Variants in RORA observed in about 807,000 individuals in gnomAD.
The protein encoded by RORA is nuclear receptor ROR-alpha.
In RORA, 7 loss-of-function variants were observed where a neutral mutation model predicts 69.5. The observed-to-expected ratio is 0.10, with a 90% confidence interval of 0.06 to 0.19. RORA has a LOEUF of 0.19. Ranked by LOEUF, RORA falls within the 10% of genes least tolerant of loss-of-function variation. The pLI, the probability that RORA is intolerant of heterozygous loss-of-function variation, is 1.00. For missense variants in RORA, 457 were observed against 663.0 expected (o/e 0.69, Z 3.41); for synonymous variants, 261 against 240.8 (o/e 1.08, Z -0.78).
rs1359619276 is a variant in RORA, at chr15:60,494,721, C to T, written c.*2734G>A. 3 of 152,188 alleles carry T rather than the reference C, an allele frequency of 2.0e-5. No homozygotes were observed. The highest frequency in any genetic ancestry group is 2.9e-5 in the Non-Finnish European group (2 of 68,028). 9.4% of individuals were successfully genotyped at this position (152,188 alleles called of 1,614,324 possible). On this transcript the variant is annotated 3_prime_UTR_variant, in exon 11 of 11. Coordinates refer to ENST00000335670, the MANE Select transcript of RORA (RefSeq NM_134261.3). ...AATCAGTGGACTTGGCTCTTAAGCT[C>T]CACCGCTGCTTTTCTTTCAGAAACA...
At chr15:60,882,349 T>A (rs2073690466) in intron 1 of RORA, among the ~76,000 whole-genome samples, 1 of 152,172 alleles carries the variant, frequency 6.6e-6, no homozygotes, top group Non-Finnish European at 1.5e-5. Context: ...AGGTCAGGGA[T>A]GTTGCTAAAA....
At chr15:60,782,643 T>A (rs2072280192) in intron 1 of RORA, among the ~76,000 whole-genome samples, 1 of 152,152 alleles carries the variant, frequency 6.6e-6, no homozygotes, top group African/African-American at 2.4e-5. Flanking sequence ...CATCTGCCCC[T>A]CCCTCTATGA....
At chr15:61,079,105 T>TA (rs1156886013) in intron 1 of RORA, among the ~76,000 whole-genome samples, 1 of 151,996 alleles carries the variant, frequency 6.6e-6, no homozygotes, top group Non-Finnish European at 1.5e-5. Context: ...ATTACAGACT[T>TA]ATTACCATCC....
chr15:61,094,901 T>A (rs549967121), intron 1 of RORA, among the ~76,000 whole-genome samples: 2 of 152,296 alleles, frequency 1.3e-5, no homozygotes, highest in East Asian at 3.9e-4. Flanking sequence ...TCAGAAAAGA[T>A]GCTACTGGAG....
At chr15:60,677,328 C>T in intron 2 of RORA, 1 of 415,050 alleles carries the variant, frequency 2.4e-6, no homozygotes. Flanking sequence ...ACAAGAACAA[C>T]AACAACGACA....
chr15:60,873,637 A>C (rs534269671), intron 1 of RORA, among the ~76,000 whole-genome samples: 1 of 152,306 alleles, frequency 6.6e-6, no homozygotes, highest in Admixed American at 6.5e-5. Flanking sequence ...TGCTAAGATA[A>C]ATGACTATAC....
At chr15:60,891,068 G>T (rs546283977) in intron 1 of RORA, among the ~76,000 whole-genome samples, 2 of 152,174 alleles carry the variant, frequency 1.3e-5, no homozygotes, top group East Asian at 3.8e-4. Flanking sequence ...GAGATGTCTC[G>T]GGAAGATCAA....
chr15:60,856,721 T>C (rs1316119640), intron 1 of RORA, among the ~76,000 whole-genome samples: 1 of 152,210 alleles, frequency 6.6e-6, no homozygotes. Context: ...AGAGAGAAAG[T>C]GCTGCCTCTT....
chr15:60,611,160 C>T (rs2069075642), intron 2 of RORA, among the ~76,000 whole-genome samples: 1 of 152,074 alleles, frequency 6.6e-6, no homozygotes, highest in South Asian at 2.1e-4. Context: ...TTCACTCTGC[C>T]AGGCTGGGTA....
chr15:60,927,025 G>A (rs61702339), intron 1 of RORA, among the ~76,000 whole-genome samples: 33,173 of 152,040 alleles, frequency 0.22, 4,649 homozygotes, highest in Non-Finnish European at 0.3. Flanking sequence ...GTTGATATCA[G>A]GAAAAAATTA....
At chr15:60,795,859 T>A (rs1245206813) in intron 1 of RORA, among the ~76,000 whole-genome samples, 1 of 152,174 alleles carries the variant, frequency 6.6e-6, no homozygotes, top group African/African-American at 2.4e-5. Context: ...CAAAGTAATG[T>A]AATGGAGATA....
At chr15:60,963,371 AG>A (rs1461590368) in intron 1 of RORA, among the ~76,000 whole-genome samples, 1 of 152,254 alleles carries the variant, frequency 6.6e-6, no homozygotes. Context: ...CAGAGGTCTT[AG>A]GCCTGAATAG....
rs149144130 is a variant in RORA, at chr15:61,105,932, G to A, written c.166+123121C>T. On this transcript the variant is annotated intron_variant, in intron 1 of 10. Coordinates refer to ENST00000335670, the MANE Select transcript of RORA (RefSeq NM_134261.3). ...GTTGACATAATGGAGAAGCAGCATG[G>A]ACCAAGTTCATCTACAAAATTAGTT... 8.5e-5 allele frequency among the ~76,000 whole-genome samples: 13 copies of A among 152,262 alleles called. No individual in the cohort carries two copies. The East Asian group carries it at 2.5e-3, about 29-fold the overall frequency.
intron 1 of RORA, among the ~76,000 whole-genome samples, chr15:60,971,650 C>G (rs1476025163): frequency 6.6e-6 from 1 of 152,222 alleles, no homozygotes; most frequent in Admixed American, 6.5e-5. Flanking sequence ...TTATAGCCAC[C>G]AAGCTCCCTT....
At chr15:60,540,133 G>T (rs182488516) in intron 2 of RORA, among the ~76,000 whole-genome samples, 296 of 152,258 alleles carry the variant, frequency 1.9e-3, no homozygotes, top group African/African-American at 6.6e-3. Flanking sequence ...GACAAAAAAA[G>T]TCATCTGACT....
At chr15:60,516,253 A>G (rs1175353025) in intron 3 of RORA, among the ~76,000 whole-genome samples, 1 of 89,458 alleles carries the variant, frequency 1.1e-5, no homozygotes. Context: ...ATATATTTAT[A>G]TATATATATT....
At chr15:61,052,576 G>C (rs1187734006) in intron 1 of RORA, among the ~76,000 whole-genome samples, 1 of 152,186 alleles carries the variant, frequency 6.6e-6, no homozygotes, top group Non-Finnish European at 1.5e-5. Context: ...TCTGAAAATG[G>C]ATTTGCTTTA....
intron 3 of RORA, among the ~76,000 whole-genome samples, chr15:60,526,118 C>G (rs1294967953): frequency 1.3e-5 from 2 of 152,218 alleles, no homozygotes; most frequent in Non-Finnish European, 2.9e-5. Flanking sequence ...CGAAAGTTAG[C>G]TGGTCCAGCC....
At position 61,004,784 on chromosome 15, in the gene RORA, T is replaced by C. The variant is rs554480496; in HGVS notation, c.166+224269A>G. ...GTTGCCACGGTTAGATTTTTTAAAG[T>C]GTAAAGAAATGAAAAAAAATGTCGA... On this transcript the variant is annotated intron_variant, in intron 1 of 10. Transcript: ENST00000335670. Among the ~76,000 whole-genome samples, 11 of 152,078 alleles carry C rather than the reference T, an allele frequency of 7.2e-5. No homozygotes were observed. In the East Asian group the frequency reaches 9.7e-4, roughly 13 times the overall value.
Sources: gnomAD v4.1 joint callset for allele counts (sites outside exome capture counted in the v4.1 genomes callset) on GRCh38, gnomAD v4.1.1 for gene constraint, MANE v1.5 for transcripts, NCBI Gene and HGNC (gene_info 2026-07-23, HGNC 2026-07-21) for gene names.